The following SCEL variants were observed in gnomAD, a reference collection of about 807,000 sequenced individuals.
SCEL encodes the protein sciellin.
A neutral mutation model predicts 117.6 loss-of-function variants in SCEL; 113 were observed. The observed-to-expected ratio is 0.96, with a 90% CI of 0.83 to 1.12. The LOEUF (loss-of-function observed/expected upper bound fraction) is 1.12, where lower values mean the gene tolerates loss of function less well. Among genes scored for constraint, SCEL ranks in the 50% most tolerant of loss-of-function variants. The pLI is 0.00. For missense variants in SCEL, 785 were observed against 810.8 expected, an observed-to-expected ratio of 0.97 and a Z score of 0.39; for synonymous variants, 270 against 256.2, an observed-to-expected ratio of 1.05 and a Z score of -0.51.
At chr13:77,559,885 A>G (rs1168940139) in intron 4 of SCEL, 22 bp downstream of exon 4, 7 of 1,597,516 alleles carry the variant, frequency 4.4e-6, no homozygotes, top group East Asian at 2.2e-5. Flanking sequence ...GACATGTTAC[A>G]TCATGAGCAG....
chr13:77,624,224 G>A (rs1297950864), intron 27 of SCEL, among the ~76,000 whole-genome samples: 1 of 149,904 alleles, frequency 6.7e-6, no homozygotes, highest in Non-Finnish European at 1.5e-5. Context: ...TCCTGCCTCA[G>A]CCTCCTGAGT....
chr13:77,582,633 ATATG>A (rs1201164496), intron 9 of SCEL, among the ~76,000 whole-genome samples: 1 of 152,178 alleles, frequency 6.6e-6, no homozygotes, highest in East Asian at 1.9e-4. Context: ...CCTTTGTCAG[ATATG>A]TGAATAGCAA....
intron 19 of SCEL, among the ~76,000 whole-genome samples, chr13:77,605,820 C>T (rs1034692280): frequency 2.0e-5 from 3 of 152,022 alleles, no homozygotes; most frequent in Admixed American, 1.3e-4. Flanking sequence ...TCCTGGCTAA[C>T]ACAGCGAAAC....
intron 9 of SCEL, among the ~76,000 whole-genome samples, chr13:77,586,240 C>T (rs566949106): frequency 6.6e-6 from 1 of 152,144 alleles, no homozygotes; most frequent in South Asian, 2.1e-4. Flanking sequence ...GACCTTCTCC[C>T]CGATGATCTT....
At position 77,592,700 on chromosome 13, in the gene SCEL, G is replaced by A. The variant is rs11841033; in HGVS notation, c.693-814G>A. Reference sequence around the variant, plus strand: ...TAGCCTCCTGAGTAGTTGGGACTACGCGCACAGGCCACCACACCCAGCTAA... The same window carrying A: ...TAGCCTCCTGAGTAGTTGGGACTACACGCACAGGCCACCACACCCAGCTAA... On this transcript the variant is annotated intron_variant, in intron 11 of 32. Transcript: ENST00000349847. 1.8e-3 allele frequency among the ~76,000 whole-genome samples: 277 copies of A among 151,468 alleles called. 1 individual carries two copies. The highest frequency in any genetic ancestry group is 6.3e-3 in the African/African-American group (259 of 41,286).
chr13:77,555,833 C>T, intron 1 of SCEL, 24 bp from the exon 2 acceptor site: 1 of 1,523,904 alleles, frequency 6.6e-7, no homozygotes, highest in African/African-American at 1.4e-5. Context: ...GATGTGCTTT[C>T]TCTATTTCCC....
At position 77,608,045 on chromosome 13, in the gene SCEL, A is replaced by G. The variant is rs768439480; in HGVS notation, c.1158-11A>G. Reference sequence around the variant, plus strand: ...GTTGTCAATCTTAACCATTTCTTCAATGTTTTAAAGGGGCCAGAGCCTTGA... The same window carrying G: ...GTTGTCAATCTTAACCATTTCTTCAGTGTTTTAAAGGGGCCAGAGCCTTGA... On this transcript the variant is annotated splice_polypyrimidine_tract_variant and intron_variant, in intron 19 of 32. Transcript: ENST00000349847. 1.3e-5 allele frequency: 21 copies of G among 1,603,488 alleles called. No individual in the cohort carries two copies. Among genetic ancestry groups the G allele is most frequent in the South Asian group, 3.4e-5 (3 of 89,208 alleles).
At chr13:77,638,697 G>A (rs1054586626) in intron 30 of SCEL, among the ~76,000 whole-genome samples, 10 of 152,154 alleles carry the variant, frequency 6.6e-5, no homozygotes, top group African/African-American at 2.4e-4. Context: ...CGTCAATCCT[G>A]TTTAAAGTGG....
intron 19 of SCEL, among the ~76,000 whole-genome samples, 174 bp downstream of exon 19, chr13:77,604,589 C>G (rs550178950): frequency 6.6e-6 from 1 of 152,282 alleles, no homozygotes; most frequent in East Asian, 1.9e-4. Context: ...ACCTAAATCT[C>G]CTGCATTTTA....
Position 77,552,974 on chromosome 13 carries a change from G to C in SCEL, c.-19-2883G>C, listed in dbSNP as rs543028710. On this transcript the variant is annotated intron_variant, in intron 1 of 32. Transcript: ENST00000349847. ...CATTTATTAAATAGGGAATCCTTTC[G>C]CCATTGCTTGTTTTTCTCAGGTTTG... is the stretch of plus-strand genomic sequence containing the variant. Among the ~76,000 whole-genome samples, 16 of 152,104 alleles carry C rather than the reference G, an allele frequency of 1.1e-4. No homozygotes were observed. In the East Asian group the frequency reaches 1.2e-3, roughly 11 times the overall value.
intron 21 of SCEL, among the ~76,000 whole-genome samples, chr13:77,609,547 G>C (rs548585738): frequency 9.2e-5 from 14 of 152,100 alleles, no homozygotes; most frequent in Non-Finnish European, 1.6e-4. Context: ...ATTGCACGAG[G>C]AGCTCTCCCA....
chr13:77,638,870 AC>A (rs1417863641), intron 30 of SCEL, among the ~76,000 whole-genome samples: 1 of 151,156 alleles, frequency 6.6e-6, no homozygotes, highest in Non-Finnish European at 1.5e-5. Flanking sequence ...TCCTCCACCA[AC>A]CCCTCATCCC....
At chr13:77,577,569 A>G (rs1443856582) in intron 9 of SCEL, among the ~76,000 whole-genome samples, 1 of 152,182 alleles carries the variant, frequency 6.6e-6, no homozygotes, top group Non-Finnish European at 1.5e-5. Flanking sequence ...GGGTGCGGAC[A>G]CAGAGGCAAA....
intron 16 of SCEL, chr13:77,602,446 G>A: frequency 2.0e-6 from 1 of 508,586 alleles, no homozygotes; most frequent in East Asian, 3.0e-5. Context: ...ACATTGAGAA[G>A]CCTTTCTAAA....
intron 5 of SCEL, among the ~76,000 whole-genome samples, chr13:77,565,164 A>G (rs1011516813): frequency 6.6e-6 from 1 of 152,202 alleles, no homozygotes; most frequent in Non-Finnish European, 1.5e-5. Flanking sequence ...ACAGCCTAGG[A>G]ATGTGGGAAA....
intron 20 of SCEL, among the ~76,000 whole-genome samples, chr13:77,608,680 A>C (rs1427112140): frequency 2.0e-5 from 3 of 152,214 alleles, no homozygotes; most frequent in Admixed American, 6.5e-5. Context: ...TCCATTTTTT[A>C]AAAAAGGATA....
At chr13:77,627,029 G>A (rs747524136) in intron 27 of SCEL, among the ~76,000 whole-genome samples, 1 of 152,066 alleles carries the variant, frequency 6.6e-6, no homozygotes, top group Non-Finnish European at 1.5e-5. Context: ...ATGAAAGGGT[G>A]TCAAATCATT....
chr13:77,598,687 G>T (rs1016616151), intron 13 of SCEL, among the ~76,000 whole-genome samples: 2 of 152,006 alleles, frequency 1.3e-5, no homozygotes, highest in Admixed American at 6.5e-5. Context: ...TTGTTTGTTT[G>T]TTCATTCGTT....
intron 3 of SCEL, among the ~76,000 whole-genome samples, chr13:77,559,135 C>G (rs1354383648): frequency 6.6e-6 from 1 of 152,194 alleles, no homozygotes; most frequent in Non-Finnish European, 1.5e-5. Context: ...ACCTCTGTTA[C>G]TTGCTAACCT....
Sources: gnomAD v4.1 joint callset for allele counts (sites outside exome capture counted in the v4.1 genomes callset) on GRCh38, gnomAD v4.1.1 for gene constraint, MANE v1.5 for transcripts, NCBI Gene and HGNC (gene_info 2026-07-23, HGNC 2026-07-21) for gene names.